The following BTG3 variants were observed in gnomAD, a reference collection of about 807,000 sequenced individuals.
BTG3 encodes the protein protein BTG3.
In BTG3, 4 loss-of-function variants were observed where a neutral mutation model predicts 25.8. The ratio of observed to expected loss-of-function variants is 0.16; its 90% CI spans 0.08 to 0.36. BTG3 has a LOEUF of 0.36. Among genes scored for constraint, BTG3 ranks in the 10% least tolerant of loss-of-function variants. The pLI, the probability that BTG3 is intolerant of heterozygous loss-of-function variation, is 1.00. For missense variants in BTG3, 201 were observed against 304.9 expected (o/e 0.66, Z 2.54); for synonymous variants, 107 against 99.9 (o/e 1.07, Z -0.42).
chr21:17,606,985 C>T (rs1012608347), intron 2 of BTG3, among the ~76,000 whole-genome samples: 1 of 152,104 alleles, frequency 6.6e-6, no homozygotes, highest in African/African-American at 2.4e-5. Flanking sequence ...AAAACAATTT[C>T]AACTTACAAA....
chr21:17,603,977 A>G (rs929530099), intron 3 of BTG3, among the ~76,000 whole-genome samples: 1 of 152,230 alleles, frequency 6.6e-6, no homozygotes, highest in Non-Finnish European at 1.5e-5. Context: ...CGTTTTTGAA[A>G]ACCCTACAAC....
intron 4 of BTG3, among the ~76,000 whole-genome samples, chr21:17,595,290 C>A (rs2061490052): frequency 1.3e-5 from 2 of 152,064 alleles, no homozygotes; most frequent in Admixed American, 1.3e-4. Context: ...ATCTGCATTT[C>A]TAAGTATAGG....
chr21:17,609,799 C>A (rs1360039527), intron 1 of BTG3, among the ~76,000 whole-genome samples: 1 of 152,048 alleles, frequency 6.6e-6, no homozygotes, highest in Non-Finnish European at 1.5e-5. Context: ...CTGTGTTATA[C>A]ACACGTATGG....
At chr21:17,604,651 T>A (rs539892410) in intron 3 of BTG3, among the ~76,000 whole-genome samples, 3 of 152,330 alleles carry the variant, frequency 2.0e-5, no homozygotes, top group South Asian at 4.1e-4. Flanking sequence ...AACCCCCGCC[T>A]AATCAGTTTC....
chr21:17,598,053 A>AT (rs1569175337), intron 4 of BTG3, among the ~76,000 whole-genome samples: 1 of 152,178 alleles, frequency 6.6e-6, no homozygotes, highest in East Asian at 1.9e-4. Context: ...TTGGTCAACA[A>AT]TTTTTTAAAG....
Position 17,593,926 on chromosome 21 carries a change from CATATATTTTTTAAGAAAG to C in BTG3, c.*149_*166del. On this transcript the variant is annotated 3_prime_UTR_variant, in exon 5 of 5. Coordinates refer to ENST00000348354, the MANE Select transcript of BTG3 (RefSeq NM_006806.5). Reference sequence around the variant, plus strand: ...TCAAACTATATCAATATCTAAAGTGCATATATTTTTTAAGAAAGATTATTCTCAATAACTTCTATAAAA... The same window carrying C: ...TCAAACTATATCAATATCTAAAGTGCATTATTCTCAATAACTTCTATAAAA... 1.2e-6 allele frequency: 1 copy of C among 869,568 alleles called. No individual in the cohort carries two copies. Among genetic ancestry groups the C allele is most frequent in the Non-Finnish European group, 1.7e-6 (1 of 598,952 alleles). The allele number at this position is 869,568 out of a possible 1,614,324, so 53.9% of individuals were successfully genotyped here. A position where few individuals can be genotyped will look rare whatever the true frequency, so the allele number is the denominator to read the frequency against.
In BTG3 at chr21:17,604,755, C is replaced by G. The variant is rs926132097; in HGVS notation, c.311+105G>C. On this transcript the variant is annotated intron_variant, in intron 3 of 4. Transcript: ENST00000348354. ...ATTTACATCTGAGAGAGTTAAACCA[C>G]CAGCTCCTGGCCATAAAGATACACA... The G allele has an allele frequency of 2.0e-5, 27 of 1,356,398 alleles. No individual in the cohort carries two copies. The Admixed American group carries it at 3.1e-4, about 16-fold the overall frequency. 84.0% of individuals were successfully genotyped at this position (1,356,398 alleles called of 1,614,324 possible).
intron 2 of BTG3, chr21:17,608,706 CT>C: frequency 5.6e-6 from 2 of 354,660 alleles, no homozygotes; most frequent in South Asian, 2.8e-4. Context: ...CAGAAATGCA[CT>C]GTTAGGAGCC....
chr21:17,599,032 C>A, intron 3 of BTG3: 1 of 442,406 alleles, frequency 2.3e-6, no homozygotes, highest in Non-Finnish European at 4.0e-6. Context: ...TTTAAGTATT[C>A]ATAAACATAA....
rs1257409622 is a variant in BTG3, at chr21:17,594,084, A to G, written c.*9T>C. ...TCTCAACATGACACCAACACAATCAAAAACGAAGTTAGTGAGGTGCTAACA... is the reference window on the plus strand; with the variant it reads ...TCTCAACATGACACCAACACAATCAGAAACGAAGTTAGTGAGGTGCTAACA... On this transcript the variant is annotated 3_prime_UTR_variant, in exon 5 of 5. Coordinates refer to ENST00000348354, the MANE Select transcript of BTG3 (RefSeq NM_006806.5). 3.7e-6 allele frequency: 6 copies of G among 1,611,374 alleles called. No homozygotes were observed. The Admixed American group carries it at 6.7e-5, about 18-fold the overall frequency.
chr21:17,602,884 A>C (rs1317269760), intron 3 of BTG3, among the ~76,000 whole-genome samples: 55 of 152,230 alleles, frequency 3.6e-4, no homozygotes, highest in Admixed American at 3.5e-3. Context: ...GTAACTTGTT[A>C]AACATCCTTG....
intron 4 of BTG3, among the ~76,000 whole-genome samples, chr21:17,596,809 C>T (rs2061510065): frequency 6.6e-6 from 1 of 152,024 alleles, no homozygotes; most frequent in African/African-American, 2.4e-5. Context: ...TGAATTGGAT[C>T]TACAGATCTA....
chr21:17,604,052 A>G, intron 3 of BTG3: 1 of 1,084,362 alleles, frequency 9.2e-7, no homozygotes, highest in Admixed American at 3.9e-5. Context: ...TTTCATACCT[A>G]GCACTGATCT....
chr21:17,594,380 A>C (rs1184052067), intron 4 of BTG3, 48 bp from the exon 5 acceptor site: 5 of 1,563,512 alleles, frequency 3.2e-6, no homozygotes, highest in Non-Finnish European at 4.3e-6. Flanking sequence ...AAAAATCATC[A>C]TCTATGTTCC....
At chr21:17,612,453 G>C (rs1245416258) in intron 1 of BTG3, 3 of 152,126 alleles carry the variant, frequency 2.0e-5, no homozygotes, top group Non-Finnish European at 1.5e-5. Context: ...CTGAGGCGGC[G>C]TCTTTTTCCT....
intron 4 of BTG3, among the ~76,000 whole-genome samples, chr21:17,594,760 CG>C (rs1451456307): frequency 8.6e-5 from 13 of 151,732 alleles, no homozygotes; most frequent in African/African-American, 2.9e-4. Context: ...AATCAACTAC[CG>C]CATGTTCTCA....
chr21:17,597,590 T>C lies in BTG3; in HGVS notation c.519+1027A>G, dbSNP rs543362093. ...AGGACTTCTCACTATTATACTGTCT[T>C]GTACTGTTTGAAGTTTCATAAAGCC... is the stretch of plus-strand genomic sequence containing the variant. On this transcript the variant is annotated intron_variant, in intron 4 of 4. Coordinates refer to ENST00000348354, the MANE Select transcript of BTG3 (RefSeq NM_006806.5). 7.2e-5 allele frequency among the ~76,000 whole-genome samples: 11 copies of C among 152,122 alleles called. No individual in the cohort carries two copies. In the South Asian group the frequency reaches 1.9e-3, roughly 26 times the overall value.
rs1238866782 is a variant in BTG3, at chr21:17,594,473, C to T, written c.520-141G>A. On this transcript the variant is annotated intron_variant, in intron 4 of 4. Transcript: ENST00000348354. ...ACACTCCTATTGTCAGGTCTAAATACATTAAAAACCTCATGTGTAATAGGC... is the reference window on the plus strand; with the variant it reads ...ACACTCCTATTGTCAGGTCTAAATATATTAAAAACCTCATGTGTAATAGGC... 2.1e-5 allele frequency: 20 copies of T among 966,412 alleles called. No homozygotes were observed. The East Asian group carries it at 5.0e-4, about 24-fold the overall frequency. 59.9% of individuals were successfully genotyped at this position (966,412 alleles called of 1,614,324 possible).
chr21:17,607,535 CTCT>C (rs1462636954), intron 2 of BTG3, among the ~76,000 whole-genome samples: 6 of 152,152 alleles, frequency 3.9e-5, no homozygotes, highest in Non-Finnish European at 8.8e-5. Context: ...TATTTTGATT[CTCT>C]TCTTGTCAAT....
Sources: gnomAD v4.1 joint callset for allele counts (sites outside exome capture counted in the v4.1 genomes callset) on GRCh38, gnomAD v4.1.1 for gene constraint, MANE v1.5 for transcripts, NCBI Gene and HGNC (gene_info 2026-07-23, HGNC 2026-07-21) for gene names.